Variants in PAX8 observed in about 807,000 individuals in gnomAD.
PAX8 encodes paired box protein Pax-8.
In PAX8, 15 loss-of-function variants were observed where a neutral mutation model predicts 52.4. The ratio of observed to expected loss-of-function variants is 0.29; its 90% CI spans 0.19 to 0.44. The LOEUF is 0.44. Ranked by LOEUF, PAX8 falls within the 20% of genes least tolerant of loss-of-function variation. The pLI, the probability that PAX8 is intolerant of heterozygous loss-of-function variation, is 1.00. For missense variants in PAX8, 554 were observed against 602.5 expected (o/e 0.92, Z 0.84); for synonymous variants, 284 against 249.7 (o/e 1.14, Z -1.29).
chr2:113,266,483 G>A (rs1558753239), intron 2 of PAX8: 1 of 152,266 alleles, frequency 6.6e-6, no homozygotes, highest in East Asian at 1.9e-4. Context: ...TCTTTGAAGG[G>A]TGACGGTGTA....
Position 113,242,126 on chromosome 2 carries a change from G to T in PAX8, c.483C>A (p.Pro161=). ...KSLSPGHTLI[P]SSAVTPPESP... ...ACTCCGGGGGAGTTACAGCTGAGCT[G>T]GGGACTGCAGTGGGGGAGAGGGAGA... Residue 161 remains proline (P), a synonymous_variant, in exon 6 of 12, where the codon CCC becomes CCA. Transcript: ENST00000429538. The T allele has an allele frequency of 6.2e-7, 1 of 1,611,436 alleles. No individual in the cohort carries two copies. The highest frequency in any genetic ancestry group is 2.2e-5 in the East Asian group (1 of 44,812).
intron 2 of PAX8, chr2:113,276,063 AG>A (rs1318841561): frequency 6.6e-6 from 1 of 152,232 alleles, no homozygotes; most frequent in African/African-American, 2.4e-5. Context: ...AGAAAACTCA[AG>A]GGGAGCTCCC....
Position 113,278,371 on chromosome 2 carries a change from A to G in PAX8, c.24T>C (p.Ser8=), listed in dbSNP as rs769299191. 6.2e-6 allele frequency: 10 copies of G among 1,605,544 alleles called. No homozygotes were observed. Among genetic ancestry groups the G allele is most frequent in the South Asian group, 1.1e-5 (1 of 90,682 alleles). The change falls in exon 2 of 12, where the codon TCT becomes TCC. Residue 8 remains serine (S), a splice_region_variant and synonymous_variant. Coordinates refer to ENST00000429538, the MANE Select transcript of PAX8 (RefSeq NM_003466.4). Reference sequence around the variant, plus strand: ...ATCCTGACCACACCGCGTTCTTACCAGATCTGATGGAGTTGTGAGGCATCG... The same window carrying G: ...ATCCTGACCACACCGCGTTCTTACCGGATCTGATGGAGTTGTGAGGCATCG... The part of the protein sequence containing the change: MPHNSIR[S]GHGGLNQLGG...
intron 2 of PAX8, among the ~76,000 whole-genome samples, chr2:113,256,618 A>G (rs60056442): frequency 2.8e-4 from 16 of 56,282 alleles, no homozygotes; most frequent in African/African-American, 7.0e-4. Flanking sequence ...GTGTGTGTGT[A>G]TATATATATA....
At chr2:113,224,374 C>G (rs1258286178) in intron 10 of PAX8, among the ~76,000 whole-genome samples, 4 of 152,000 alleles carry the variant, frequency 2.6e-5, no homozygotes, top group African/African-American at 9.7e-5. Context: ...TGGTGAAACT[C>G]CGTCTCTACC....
rs13023005 is a variant in PAX8 at position 113,236,253 on chromosome 2, G to A, written c.898+348C>T. On this transcript the variant is annotated intron_variant, in intron 8 of 11. Coordinates refer to ENST00000429538, the MANE Select transcript of PAX8 (RefSeq NM_003466.4). ...GCCGGAGGCGCGACCCCTCGGCCCA[G>A]CTTGAGGCCCGGCCTAGGACCGGAG... 190 of 103,018 alleles carry A rather than the reference G, an allele frequency of 1.8e-3. 2 individuals carry two copies. The South Asian group carries it at 0.022, about 12-fold the overall frequency. 6.4% of individuals were successfully genotyped at this position (103,018 alleles called of 1,614,324 possible). A position where few individuals can be genotyped will look rare whatever the true frequency, so the allele number is the denominator to read the frequency against.
intron 10 of PAX8, among the ~76,000 whole-genome samples, chr2:113,222,114 G>A (rs770180132): frequency 6.6e-6 from 1 of 152,168 alleles, no homozygotes; most frequent in Non-Finnish European, 1.5e-5. Context: ...CACATATTCA[G>A]TGAAAGCCAG....
intron 2 of PAX8, chr2:113,263,356 G>T (rs1692828807): frequency 6.6e-6 from 1 of 152,552 alleles, no homozygotes; most frequent in Admixed American, 6.6e-5. Context: ...GGACCTCCAG[G>T]CTTCTCCTCC....
At chr2:113,233,231 T>C (rs1472530092) in intron 9 of PAX8, among the ~76,000 whole-genome samples, 2 of 150,538 alleles carry the variant, frequency 1.3e-5, no homozygotes, top group Non-Finnish European at 2.9e-5. Flanking sequence ...CCAAGTCAAC[T>C]CCTCGCTTTA....
intron 3 of PAX8, 111 bp downstream of exon 3, chr2:113,246,643 A>C: frequency 8.0e-7 from 1 of 1,243,184 alleles, no homozygotes; most frequent in Non-Finnish European, 1.2e-6. Flanking sequence ...AAAGCTGGAC[A>C]TTGGGAGCAA....
At chr2:113,267,997 GC>G (rs1441918405) in intron 2 of PAX8, 2 of 152,256 alleles carry the variant, frequency 1.3e-5, no homozygotes, top group African/African-American at 4.8e-5. Context: ...TGCTCTCAGG[GC>G]CAACCCTGCC....
intron 2 of PAX8, chr2:113,274,591 C>T (rs1254646707): frequency 2.0e-5 from 3 of 152,138 alleles, no homozygotes; most frequent in Admixed American, 6.5e-5. Flanking sequence ...CTTTCTCTCT[C>T]ACAGCAAAAT....
chr2:113,240,812 G>A (rs1160373583), intron 7 of PAX8: 2 of 154,854 alleles, frequency 1.3e-5, no homozygotes, highest in South Asian at 2.0e-4. Flanking sequence ...GAATAAAAAC[G>A]ATGTTTAACG....
At chr2:113,235,892 G>C (rs1690254102) in intron 8 of PAX8, 1 of 389,606 alleles carries the variant, frequency 2.6e-6, no homozygotes, top group Admixed American at 4.2e-5. Context: ...GCGACCCCTC[G>C]GCCCACCTTG....
At chr2:113,235,845 G>A (rs1690247788) in intron 8 of PAX8, 2 of 498,676 alleles carry the variant, frequency 4.0e-6, no homozygotes, top group Non-Finnish European at 7.1e-6. Flanking sequence ...CCACAGGAGG[G>A]AGCGCGGAGA....
At chr2:113,272,069 G>A (rs1200344987) in intron 2 of PAX8, 1 of 152,256 alleles carries the variant, frequency 6.6e-6, no homozygotes, top group Non-Finnish European at 1.5e-5. Flanking sequence ...CTGAGCCACA[G>A]GGATTGCTGG....
chr2:113,277,144 C>T (rs1270874951), intron 2 of PAX8, among the ~76,000 whole-genome samples: 4 of 152,180 alleles, frequency 2.6e-5, no homozygotes, highest in Admixed American at 2.0e-4. Flanking sequence ...TTGAAGGGAC[C>T]CCGCGCCTTC....
At chr2:113,237,760 C>T (rs531648374) in intron 7 of PAX8, 1 of 152,346 alleles carries the variant, frequency 6.6e-6, no homozygotes, top group East Asian at 1.9e-4. Flanking sequence ...CACCCATTCC[C>T]CACATACCTT....
At chr2:113,227,328 G>T in intron 9 of PAX8, 72 bp from the exon 10 acceptor site, 1 of 1,259,632 alleles carries the variant, frequency 7.9e-7, no homozygotes, top group Non-Finnish European at 1.1e-6. Context: ...ACTCTCCTGA[G>T]GCTGTCTTCC....
Sources: allele counts gnomAD v4.1 joint callset (sites outside exome capture counted in the v4.1 genomes callset), GRCh38; gene constraint gnomAD v4.1.1; transcripts MANE v1.5; gene names NCBI Gene and HGNC (gene_info 2026-07-23, HGNC 2026-07-21).